The following ZBTB38 variants were observed in gnomAD, a reference collection of about 807,000 sequenced individuals.
ZBTB38 encodes zinc finger and BTB domain-containing protein 38.
In ZBTB38, 20 loss-of-function variants were observed where a neutral mutation model predicts 76.8. The observed-to-expected ratio is 0.26, with a 90% CI of 0.18 to 0.38. ZBTB38 has a LOEUF of 0.38. Ranked by LOEUF, ZBTB38 falls within the 10% of genes least tolerant of loss-of-function variation. The probability of loss-of-function intolerance (pLI) is 1.00; values close to 1 mark genes in which losing one functional copy is unlikely to be tolerated. For missense variants in ZBTB38, 1,082 were observed against 1,482.3 expected, an observed-to-expected ratio of 0.73 and a Z score of 4.43; for synonymous variants, 504 against 544.2, an observed-to-expected ratio of 0.93 and a Z score of 1.03.
At chr3:141,417,493 C>T (rs1189269328) in intron 5 of ZBTB38, among the ~76,000 whole-genome samples, 1 of 152,210 alleles carries the variant, frequency 6.6e-6, no homozygotes, top group African/African-American at 2.4e-5. Flanking sequence ...ATTCTTGCTC[C>T]ACTGCCTTTC....
At chr3:141,397,889 A>G (rs1003034004) in intron 4 of ZBTB38, among the ~76,000 whole-genome samples, 9 of 152,242 alleles carry the variant, frequency 5.9e-5, no homozygotes, top group African/African-American at 2.2e-4. Flanking sequence ...AGTTTGAAAT[A>G]TTGTGAGAAT....
intron 3 of ZBTB38, among the ~76,000 whole-genome samples, 183 bp downstream of exon 3, chr3:141,381,670 G>A (rs1289183131): frequency 6.6e-6 from 1 of 152,180 alleles, no homozygotes; most frequent in Non-Finnish European, 1.5e-5. Context: ...TCCCAGGTAG[G>A]GTGGAGCTGG....
intron 4 of ZBTB38, among the ~76,000 whole-genome samples, chr3:141,390,507 C>T (rs530859354): frequency 2.0e-5 from 3 of 152,336 alleles, no homozygotes; most frequent in East Asian, 3.9e-4. Flanking sequence ...TGATCTACCC[C>T]ATCCATTTCC....
At chr3:141,378,294 C>A (rs1257387447) in intron 2 of ZBTB38, among the ~76,000 whole-genome samples, 1 of 152,040 alleles carries the variant, frequency 6.6e-6, no homozygotes, top group African/African-American at 2.4e-5. Context: ...ATTCTCTATT[C>A]TGATGGTGAT....
chr3:141,419,540 G>T (rs1384422946), intron 5 of ZBTB38, among the ~76,000 whole-genome samples: 1 of 152,160 alleles, frequency 6.6e-6, no homozygotes, highest in Non-Finnish European at 1.5e-5. Context: ...CACAAGATCA[G>T]GACTGAAAAC....
At chr3:141,434,988 C>T (rs1295041558) in intron 5 of ZBTB38, among the ~76,000 whole-genome samples, 2 of 151,932 alleles carry the variant, frequency 1.3e-5, no homozygotes, top group African/African-American at 4.8e-5. Flanking sequence ...TAGAAATTAT[C>T]CAAGGATGGT....
chr3:141,427,036 C>A (rs1261973691), intron 5 of ZBTB38, among the ~76,000 whole-genome samples: 1 of 151,976 alleles, frequency 6.6e-6, no homozygotes, highest in African/African-American at 2.4e-5. Flanking sequence ...TATGACCACC[C>A]ATTAGCATAG....
chr3:141,423,580 T>G (rs1317950776), intron 5 of ZBTB38, among the ~76,000 whole-genome samples: 2 of 152,022 alleles, frequency 1.3e-5, no homozygotes, highest in African/African-American at 4.8e-5. Flanking sequence ...CAAAGATAAC[T>G]CACTATACGG....
At chr3:141,441,840 G>A (rs748895714) in intron 5 of ZBTB38, among the ~76,000 whole-genome samples, 4 of 152,092 alleles carry the variant, frequency 2.6e-5, no homozygotes, top group South Asian at 2.1e-4. Context: ...CGCTTGAGCC[G>A]GGGAAGTGGA....
chr3:141,426,823 A>G (rs1296915655), intron 5 of ZBTB38, among the ~76,000 whole-genome samples: 3 of 152,152 alleles, frequency 2.0e-5, no homozygotes, highest in African/African-American at 4.8e-5. Context: ...CTTTTGGCCA[A>G]AATGGTGATA....
chr3:141,334,433 C>CTTCT (rs1942951047), intron 1 of ZBTB38, among the ~76,000 whole-genome samples: 3 of 127,624 alleles, frequency 2.4e-5, no homozygotes, highest in African/African-American at 1.0e-4. Flanking sequence ...TCCTTCCTTC[C>CTTCT]TTCCTTCCTT....
chr3:141,449,430 G>A lies in ZBTB38; in HGVS notation c.*3454G>A, dbSNP rs1414544453. 1 of 152,086 alleles carries A rather than the reference G, an allele frequency of 6.6e-6. No individual in the cohort carries two copies. The allele number at this position is 152,086 out of a possible 1,614,324, so 9.4% of individuals were successfully genotyped here. A position where few individuals can be genotyped will look rare whatever the true frequency, so the allele number is the denominator to read the frequency against. On this transcript the variant is annotated 3_prime_UTR_variant, in exon 6 of 6. Transcript: ENST00000321464. The stretch of plus-strand genomic sequence containing the variant: ...AAGGATATGGAGTAAAATTGTAATA[G>A]CATTATAAGCTGGTAATTTTCACAC...
At chr3:141,384,140 C>T (rs1946599629) in intron 3 of ZBTB38, among the ~76,000 whole-genome samples, 1 of 152,228 alleles carries the variant, frequency 6.6e-6, no homozygotes, top group Admixed American at 6.5e-5. Context: ...GATTGAGTGT[C>T]TTGGAACATC....
chr3:141,427,727 A>G (rs1396660956), intron 5 of ZBTB38: 1 of 152,234 alleles, frequency 6.6e-6, no homozygotes, highest in African/African-American at 2.4e-5. Flanking sequence ...GAAGCTTCAC[A>G]CTCACCAGTC....
intron 5 of ZBTB38, among the ~76,000 whole-genome samples, chr3:141,430,014 C>G (rs1291300781): frequency 2.0e-5 from 3 of 152,174 alleles, no homozygotes; most frequent in Non-Finnish European, 2.9e-5. Flanking sequence ...GGGCTTTGAG[C>G]AGGGCTTGAC....
At chr3:141,393,726 G>C (rs1949579168) in intron 4 of ZBTB38, among the ~76,000 whole-genome samples, 1 of 152,186 alleles carries the variant, frequency 6.6e-6, no homozygotes, top group Non-Finnish European at 1.5e-5. Flanking sequence ...ATGCCGCTCT[G>C]CTGCGCCATG....
At chr3:141,359,870 G>T (rs999271764) in intron 1 of ZBTB38, among the ~76,000 whole-genome samples, 11 of 152,120 alleles carry the variant, frequency 7.2e-5, no homozygotes, top group Non-Finnish European at 1.2e-4. Context: ...GGTTGAGGTT[G>T]GAGTGAGCCA....
At chr3:141,382,045 A>G (rs766740865) in intron 3 of ZBTB38, among the ~76,000 whole-genome samples, 12 of 152,220 alleles carry the variant, frequency 7.9e-5, no homozygotes, top group Non-Finnish European at 1.8e-4. Flanking sequence ...AAATCATAAT[A>G]GCTACTTAGG....
chr3:141,356,046 A>C (rs1943652692), intron 1 of ZBTB38, among the ~76,000 whole-genome samples: 1 of 151,992 alleles, frequency 6.6e-6, no homozygotes, highest in Admixed American at 6.6e-5. Flanking sequence ...TCATGGGTGA[A>C]CACTCAGCCT....
Sources: allele counts gnomAD v4.1 joint callset (sites outside exome capture counted in the v4.1 genomes callset), GRCh38; gene constraint gnomAD v4.1.1; transcripts MANE v1.5; gene names NCBI Gene and HGNC (gene_info 2026-07-23, HGNC 2026-07-21).